GAN: variants seen among roughly 807,000 people sequenced by gnomAD.
GAN encodes epididymis secretory sperm binding protein.
GAN carries 48 observed loss-of-function variants against 71.3 expected under a neutral mutation model. That is an observed-to-expected ratio of 0.67 (90% CI 0.53 to 0.86). GAN has a LOEUF of 0.86. Ranked by LOEUF, GAN falls within the 40% of genes least tolerant of loss-of-function variation. The probability of loss-of-function intolerance (pLI) is 0.00; values close to 1 mark genes in which losing one functional copy is unlikely to be tolerated. For missense variants in GAN, 928 were observed against 770.1 expected (o/e 1.21, Z -2.43); for synonymous variants, 386 against 276.8 (o/e 1.39, Z -3.92).
chr16:81,332,277 A>T (rs1185146815), intron 1 of GAN, among the ~76,000 whole-genome samples: 1 of 152,198 alleles, frequency 6.6e-6, no homozygotes, highest in Admixed American at 6.5e-5. Context: ...AGGTCATTTC[A>T]GCAAGCTACC....
rs560879605 is a variant in GAN, at chr16:81,317,910, T to C, written c.167+2630T>C. On this transcript the variant is annotated intron_variant, in intron 1 of 10. Coordinates refer to ENST00000648994, the MANE Select transcript of GAN (RefSeq NM_022041.4). ...GTGGATAAACATGAATCAGTCAATA[T>C]GTGTTTCATCAGTGACAGATGAATT... Among the ~76,000 whole-genome samples, 32 of 152,340 alleles carry C rather than the reference T, an allele frequency of 2.1e-4. 1 individual carries two copies. Among genetic ancestry groups the C allele is most frequent in the African/African-American group, 6.7e-4 (28 of 41,578 alleles).
At chr16:81,357,374 G>C (rs1195397219) in intron 4 of GAN, among the ~76,000 whole-genome samples, 1 of 152,066 alleles carries the variant, frequency 6.6e-6, no homozygotes, top group Non-Finnish European at 1.5e-5. Flanking sequence ...TTTTGTTCTT[G>C]CGATAGTTTA....
intron 1 of GAN, among the ~76,000 whole-genome samples, chr16:81,340,698 T>C (rs1007830833): frequency 1.3e-5 from 2 of 151,716 alleles, no homozygotes; most frequent in African/African-American, 4.8e-5. Flanking sequence ...GCAGAAAGGC[T>C]GAAAATTCTT....
chr16:81,364,364 C>G (rs750801012), intron 7 of GAN, among the ~76,000 whole-genome samples: 2 of 152,182 alleles, frequency 1.3e-5, no homozygotes, highest in Non-Finnish European at 2.9e-5. Flanking sequence ...CTTTCTGCCT[C>G]AAGCAATCCT....
chr16:81,385,066 T>C lies in GAN; in HGVS notation c.*7470T>C, dbSNP rs976658402. 6.5e-6 allele frequency: 1 copy of C among 154,194 alleles called. No homozygotes were observed. The highest frequency in any genetic ancestry group is 1.5e-5 in the Non-Finnish European group (1 of 68,204). 9.6% of individuals were successfully genotyped at this position (154,194 alleles called of 1,614,324 possible). A position where few individuals can be genotyped will look rare whatever the true frequency, so the allele number is the denominator to read the frequency against. On this transcript the variant is annotated 3_prime_UTR_variant, in exon 11 of 11. Coordinates refer to ENST00000648994, the MANE Select transcript of GAN (RefSeq NM_022041.4). ...TTAAGCACCAGGTAAAATCTGGTGC[T>C]TAAGTTGTACCAAGTATAGCCAAGT... is the stretch of plus-strand genomic sequence containing the variant.
chr16:81,331,359 C>A (rs1405562203), intron 1 of GAN, among the ~76,000 whole-genome samples: 1 of 152,112 alleles, frequency 6.6e-6, no homozygotes, highest in African/African-American at 2.4e-5. Context: ...TAGATTGGAT[C>A]CTAGAACAGA....
intron 1 of GAN, among the ~76,000 whole-genome samples, chr16:81,332,679 C>G (rs745584509): frequency 6.6e-6 from 1 of 152,182 alleles, no homozygotes; most frequent in Non-Finnish European, 1.5e-5. Context: ...TCCTTAGTCT[C>G]CAGTGTGTGG....
intron 9 of GAN, among the ~76,000 whole-genome samples, chr16:81,365,736 G>A (rs1281947882): frequency 6.6e-6 from 1 of 151,660 alleles, no homozygotes; most frequent in Non-Finnish European, 1.5e-5. Context: ...GCTCCCTATA[G>A]CTTTTAGGAA....
At chr16:81,357,454 G>A (rs1207002639) in intron 4 of GAN, among the ~76,000 whole-genome samples, 6 of 152,166 alleles carry the variant, frequency 3.9e-5, no homozygotes, top group African/African-American at 7.2e-5. Context: ...TTTTATGGCT[G>A]CATAGTATTC....
At chr16:81,357,403 A>G (rs900327640) in intron 4 of GAN, among the ~76,000 whole-genome samples, 2 of 152,130 alleles carry the variant, frequency 1.3e-5, no homozygotes, top group Non-Finnish European at 2.9e-5. Context: ...GATGATTTCC[A>G]ATTTCATCCA....
In GAN at chr16:81,377,584, T is replaced by C; in HGVS notation, c.1782T>C (p.Val594=). The change falls in exon 11 of 11, where the codon GTT becomes GTC. Residue 594 remains valine (V), a synonymous_variant. Transcript: ENST00000648994. ...QLQQGLFRIR[V]HSP is the part of the protein sequence containing the mutation. Reference sequence around the variant, plus strand: ...AGCAAGGCTTATTCCGTATTCGTGTTCATTCCCCTTGAGGAGGAAGCAGAG... The same window carrying C: ...AGCAAGGCTTATTCCGTATTCGTGTCCATTCCCCTTGAGGAGGAAGCAGAG... 1.9e-6 allele frequency: 3 copies of C among 1,614,162 alleles called. No homozygotes were observed. Among genetic ancestry groups the C allele is most frequent in the Non-Finnish European group, 2.5e-6 (3 of 1,179,992 alleles).
intron 1 of GAN, among the ~76,000 whole-genome samples, chr16:81,338,744 G>C (rs940995216): frequency 6.6e-6 from 1 of 152,244 alleles, no homozygotes; most frequent in Non-Finnish European, 1.5e-5. Flanking sequence ...CCAGAAATGC[G>C]GGAGGGAAGT....
At chr16:81,326,650 C>A (rs867643580) in intron 1 of GAN, among the ~76,000 whole-genome samples, 1 of 152,226 alleles carries the variant, frequency 6.6e-6, no homozygotes, top group Non-Finnish European at 1.5e-5. Flanking sequence ...TCGAATATCA[C>A]AGAGTGTACA....
chr16:81,315,470 C>T (rs925299667), intron 1 of GAN, among the ~76,000 whole-genome samples, 190 bp downstream of exon 1: 1 of 151,928 alleles, frequency 6.6e-6, no homozygotes, highest in African/African-American at 2.4e-5. Context: ...CCCCAGGCGG[C>T]CTCTGTGGCT....
At chr16:81,338,446 A>T (rs1909837676) in intron 1 of GAN, among the ~76,000 whole-genome samples, 1 of 152,180 alleles carries the variant, frequency 6.6e-6, no homozygotes, top group Admixed American at 6.5e-5. Flanking sequence ...ATGATTATTC[A>T]TTACTCATTC....
chr16:81,315,903 G>T (rs1454048814), intron 1 of GAN, among the ~76,000 whole-genome samples: 1 of 152,266 alleles, frequency 6.6e-6, no homozygotes, highest in African/African-American at 2.4e-5. Context: ...AATTCTCCTT[G>T]CCAAACGTGT....
chr16:81,327,388 T>C (rs1303411766), intron 1 of GAN, among the ~76,000 whole-genome samples: 2 of 152,192 alleles, frequency 1.3e-5, no homozygotes, highest in Non-Finnish European at 2.9e-5. Flanking sequence ...CTGCCTCTTA[T>C]TTATTAAAGG....
intron 1 of GAN, among the ~76,000 whole-genome samples, chr16:81,323,086 T>C (rs1909271441): frequency 6.6e-6 from 1 of 152,218 alleles, no homozygotes; most frequent in Admixed American, 6.5e-5. Context: ...CATTGGTTAA[T>C]TGTATAGTCT....
intron 1 of GAN, among the ~76,000 whole-genome samples, chr16:81,319,036 C>T (rs911427651): frequency 2.0e-5 from 3 of 151,984 alleles, no homozygotes; most frequent in Non-Finnish European, 4.4e-5. Context: ...AGTTGACAGG[C>T]TGGGCGCAGT....
Sources: allele counts gnomAD v4.1 joint callset (sites outside exome capture counted in the v4.1 genomes callset), GRCh38; gene constraint gnomAD v4.1.1; transcripts MANE v1.5; gene names NCBI Gene and HGNC (gene_info 2026-07-23, HGNC 2026-07-21).